SYNM: variants seen among roughly 807,000 people sequenced by gnomAD.
SYNM encodes synemin.
Under a neutral mutation model 104.0 loss-of-function variants are expected in SYNM, and 95 were observed. The observed-to-expected ratio is 0.91, with a 90% confidence interval of 0.77 to 1.08. The LOEUF is 1.08. SYNM is among the 50% of genes least tolerant of loss of function. SYNM has a pLI of 0.00. For missense variants in SYNM, 2,150 were observed against 2,052.2 expected (o/e 1.05, Z -0.92); for synonymous variants, 918 against 869.0 (o/e 1.06, Z -0.99).
In SYNM at chr15:99,131,001, G is replaced by A. The variant is rs1555485730; in HGVS notation, c.2641G>A (p.Gly881Ser). ...QGTRRRTQKDGAVGEKVVKPL... is the reference protein window; with the variant it reads ...QGTRRRTQKDSAVGEKVVKPL... ...GACTCGAAGGAGGACACAGAAGGAC[G>A]GTGCAGTGGGCGAGAAGGTTGTGAA... Residue 881 changes from glycine to serine, a missense_variant, in exon 4 of 4, where the codon GGT (glycine) becomes AGT (serine). Physicochemically the swap from Gly to Ser is moderately conservative, Grantham distance 56 (BLOSUM62 0). Transcript: ENST00000336292. The surrounding 1 kb of genome is among the most constrained non-coding windows in gnomAD (Gnocchi z 4.3). 6.2e-7 allele frequency: 1 copy of A among 1,613,566 alleles called. No homozygotes were observed. Among genetic ancestry groups the A allele is most frequent in the Non-Finnish European group, 8.5e-7 (1 of 1,179,706 alleles).
chr15:99,131,377 C>T lies in SYNM; in HGVS notation c.3017C>T (p.Ser1006Leu). 6.2e-7 allele frequency: 1 copy of T among 1,613,198 alleles called. No individual in the cohort carries two copies. Among genetic ancestry groups the T allele is most frequent in the Non-Finnish European group, 8.5e-7 (1 of 1,179,598 alleles). Residue 1006 changes from serine to leucine, a missense_variant, in exon 4 of 4, where the codon TCA becomes TTA. By Grantham distance (145) the Ser-to-Leu change is moderately radical (BLOSUM62 -2). Coordinates refer to ENST00000336292, the MANE Select transcript of SYNM (RefSeq NM_145728.3). This position sits in a 1 kb window ranked among gnomAD's most constrained non-coding sequence, Gnocchi z 4.3. ...SVTLVAEVNV[S>L]QTVDADRLDL... ...ACCCTGGTTGCTGAAGTCAACGTCT[C>T]ACAAACTGTGGATGCCGATCGGTTA...
At chr15:99,123,970 G>A (rs1250646158) in intron 2 of SYNM, among the ~76,000 whole-genome samples, 5 of 152,268 alleles carry the variant, frequency 3.3e-5, no homozygotes, top group African/African-American at 7.2e-5. Context: ...CATGACAGCC[G>A]GCTTCTGCAC....
Position 99,131,690 on chromosome 15 carries a change from C to G in SYNM, c.3330C>G (p.Gly1110=). The change falls in exon 4 of 4, where the codon GGC becomes GGG. Residue 1110 remains glycine, a synonymous_variant. Coordinates refer to ENST00000336292, the MANE Select transcript of SYNM (RefSeq NM_145728.3). The surrounding 1 kb of genome is among the most constrained non-coding windows in gnomAD (Gnocchi z 4.3). ...CTGTGGAGGTCAGCAGCCCCACAGG[C>G]TTTGCCCAGTCACAGGTGCTGGAGG... ...SATVEVSSPT[G]FAQSQVLEDV... is the part of the protein sequence containing the mutation. The G allele has an allele frequency of 6.2e-7, 1 of 1,613,292 alleles. No homozygotes were observed.
chr15:99,139,654 A>G (rs1555489236), downstream of SYNM: 16 of 1,457,036 alleles, frequency 1.1e-5, no homozygotes, highest in Non-Finnish European at 1.5e-5. Context: ...TAGATTTAAA[A>G]GTAGTATTTT....
At chr15:99,112,176 A>G (rs2067305343) in intron 1 of SYNM, among the ~76,000 whole-genome samples, 1 of 152,224 alleles carries the variant, frequency 6.6e-6, no homozygotes, top group Admixed American at 6.5e-5. Flanking sequence ...AAGGGATTCC[A>G]GCAGCAATGA....
chr15:99,106,104 G>A (rs2067239903), intron 1 of SYNM, 95 bp downstream of exon 1: 3 of 1,288,048 alleles, frequency 2.3e-6, no homozygotes, highest in Non-Finnish European at 1.0e-6. Flanking sequence ...CCTTCACCAG[G>A]GGCGCGGCGT....
In SYNM at chr15:99,126,773, C is replaced by A. The variant is rs782720641; in HGVS notation, c.987C>A (p.His329Gln). The A allele has an allele frequency of 6.3e-7, 1 of 1,576,348 alleles. No homozygotes were observed. Among genetic ancestry groups the A allele is most frequent in the South Asian group, 1.2e-5 (1 of 85,392 alleles). Residue 329 changes from histidine (H) to glutamine (Q), a missense_variant, in exon 3 of 4, where the codon CAC becomes CAA. By Grantham distance (24) the His-to-Gln change is conservative. Coordinates refer to ENST00000336292, the MANE Select transcript of SYNM (RefSeq NM_145728.3). ...SNPEIVIWAEHVENMPSEFRN... is the reference protein window; with the variant it reads ...SNPEIVIWAEQVENMPSEFRN... ...CAGAGATAGTGATCTGGGCTGAGCA[C>A]GTTGAAAACATGCCGTCAGGTAAGT...
chr15:99,132,799 G>A lies in SYNM; in HGVS notation c.4439G>A (p.Gly1480Glu). Reference protein sequence around the residue: ...EAIRSRTQEAGALGVSDRGSW... With the variant: ...EAIRSRTQEAEALGVSDRGSW... ...ATCCGCAGCCGGACACAGGAAGCGG[G>A]AGCTCTCGGTGTGTCTGACCGTGGT... is the stretch of plus-strand genomic sequence containing the variant. Residue 1480 changes from glycine (G) to glutamate (E), a missense_variant, in exon 4 of 4, where the codon GGA (glycine) becomes GAA (glutamate). Coordinates refer to ENST00000336292, the MANE Select transcript of SYNM (RefSeq NM_145728.3). 1 of 1,614,048 alleles carries A rather than the reference G, an allele frequency of 6.2e-7. No individual in the cohort carries two copies. Among genetic ancestry groups the A allele is most frequent in the African/African-American group, 1.3e-5 (1 of 75,060 alleles).
chr15:99,136,814 T>C (rs567464142), downstream of SYNM: 10 of 152,322 alleles, frequency 6.6e-5, no homozygotes, highest in African/African-American at 2.2e-4. Flanking sequence ...CTGGGACCAG[T>C]GTGTACCAGC....
Position 99,132,443 on chromosome 15 carries a change from T to C in SYNM, c.4083T>C (p.Gly1361=), listed in dbSNP as rs782144185. ...VHQATHSHTS[G]RQTVMTEKST... is the part of the protein sequence containing the mutation. The stretch of plus-strand genomic sequence containing the variant: ...AGGCCACTCACAGTCATACCTCGGG[T>C]AGACAAACCGTTATGACTGAAAAGA... The change falls in exon 4 of 4, where the codon GGT becomes GGC. Residue 1361 remains glycine, a synonymous_variant. Transcript: ENST00000336292. 7 of 1,613,858 alleles carry C rather than the reference T, an allele frequency of 4.3e-6. No homozygotes were observed. The East Asian group carries it at 1.3e-4, about 31-fold the overall frequency.
At position 99,132,079 on chromosome 15, in the gene SYNM, T is replaced by C. The variant is rs2067515765; in HGVS notation, c.3719T>C (p.Ile1240Thr). 2 of 1,613,850 alleles carry C rather than the reference T, an allele frequency of 1.2e-6. No homozygotes were observed. ...AAGGAGATTATTTTTCAGGGCCCCA[T>C]TTCTGCTGCAGGGAAGGTTGGTGAT... ...AEKEIIFQGP[I>T]SAAGKVGDYF... Residue 1240 changes from isoleucine (I) to threonine (T), a missense_variant, in exon 4 of 4, where the codon ATT (isoleucine) becomes ACT (threonine). Physicochemically the swap from Ile to Thr is moderately conservative, Grantham distance 89. Coordinates refer to ENST00000336292, the MANE Select transcript of SYNM (RefSeq NM_145728.3).
chr15:99,121,579 C>A (rs1441045466), intron 2 of SYNM, among the ~76,000 whole-genome samples: 1 of 152,288 alleles, frequency 6.6e-6, no homozygotes, highest in East Asian at 1.9e-4. Flanking sequence ...AAAACCCTAG[C>A]AATGTCCAGA....
downstream of SYNM, chr15:99,139,820 T>TG (rs2068019658): frequency 8.8e-7 from 1 of 1,139,304 alleles, no homozygotes; most frequent in African/African-American, 1.6e-5. Context: ...ATAGGCTGTC[T>TG]ATACTCTTGA....
chr15:99,106,814 C>T (rs904264572), intron 1 of SYNM, among the ~76,000 whole-genome samples: 2 of 152,268 alleles, frequency 1.3e-5, no homozygotes, highest in Non-Finnish European at 2.9e-5. Flanking sequence ...TGCCCTGCCT[C>T]AGCCAGAATT....
chr15:99,117,995 T>C (rs1217077765), intron 2 of SYNM, among the ~76,000 whole-genome samples: 2 of 152,218 alleles, frequency 1.3e-5, no homozygotes, highest in Non-Finnish European at 2.9e-5. Context: ...ACTGTACCTC[T>C]TTCTGCTGTC....
At chr15:99,119,570 G>T (rs1363974182) in intron 2 of SYNM, among the ~76,000 whole-genome samples, 1 of 152,210 alleles carries the variant, frequency 6.6e-6, no homozygotes, top group Non-Finnish European at 1.5e-5. Context: ...GCTGCTTGCA[G>T]TTGCATGCGG....
At chr15:99,125,340 G>A (rs377295303) in intron 2 of SYNM, among the ~76,000 whole-genome samples, 3 of 152,238 alleles carry the variant, frequency 2.0e-5, no homozygotes, top group Admixed American at 6.5e-5. Context: ...AGCTGTTTGC[G>A]TTCCTGGAAC....
intron 1 of SYNM, among the ~76,000 whole-genome samples, chr15:99,109,041 C>T (rs7183480): frequency 0.75 from 113,438 of 152,104 alleles, 42,387 homozygotes; most frequent in Middle Eastern, 0.8. Context: ...CTGGAGGCAG[C>T]AGAGGGTGCT....
intron 2 of SYNM, among the ~76,000 whole-genome samples, chr15:99,124,995 G>A (rs1035675515): frequency 6.6e-6 from 1 of 152,228 alleles, no homozygotes; most frequent in Non-Finnish European, 1.5e-5. Flanking sequence ...ACTCTATGAA[G>A]GTTTGGTGAT....
Sources: allele counts gnomAD v4.1 joint callset (sites outside exome capture counted in the v4.1 genomes callset), GRCh38; gene constraint gnomAD v4.1.1; non-coding constraint Gnocchi (gnomAD v3.1); transcripts MANE v1.5; gene names NCBI Gene and HGNC (gene_info 2026-07-23, HGNC 2026-07-21).